Variants in GKAP1 observed in about 807,000 individuals in gnomAD.
GKAP1 encodes G kinase-anchoring protein 1.
In GKAP1, 31 loss-of-function variants were observed where a neutral mutation model predicts 56.7. The ratio of observed to expected loss-of-function variants is 0.55; its 90% CI spans 0.41 to 0.74. The LOEUF is 0.74. GKAP1 is among the 30% of genes least tolerant of loss of function. The pLI, the probability that GKAP1 is intolerant of heterozygous loss-of-function variation, is 0.00. For synonymous variants in GKAP1, 151 were observed against 138.6 expected, an observed-to-expected ratio of 1.09 and a Z score of -0.63; for missense variants, 364 against 402.3, an observed-to-expected ratio of 0.90 and a Z score of 0.82.
intron 3 of GKAP1, 100 bp from the exon 4 acceptor site, chr9:83,799,428 T>C: frequency 2.5e-6 from 2 of 801,768 alleles, no homozygotes; most frequent in Non-Finnish European, 3.9e-6. Flanking sequence ...TTTATACTTC[T>C]ACTGAAACCA....
Position 83,742,555 on chromosome 9 carries a change from C to G in GKAP1, c.950G>C (p.Ser317Thr), listed in dbSNP as rs762765097. 6.2e-7 allele frequency: 1 copy of G among 1,612,532 alleles called. No homozygotes were observed. Among genetic ancestry groups the G allele is most frequent in the East Asian group, 2.2e-5 (1 of 44,802 alleles). The change falls in exon 11 of 13, where the codon AGT becomes ACT. Residue 317 changes from serine (S) to threonine (T), a missense_variant. Physicochemically the swap from Ser to Thr is moderately conservative, Grantham distance 58. Transcript: ENST00000376371. The stretch of plus-strand genomic sequence containing the variant: ...CTGAATAGTGAGCTCATTCTTGATA[C>G]TTTGTGATTCATCAACTTGCAGAAG... ...EILLQVDESQ[S>T]IKNELTIQVT... is the part of the protein sequence containing the mutation.
intron 7 of GKAP1, among the ~76,000 whole-genome samples, chr9:83,779,606 C>CACATAT (rs1331548866): frequency 2.8e-5 from 2 of 71,504 alleles, no homozygotes; most frequent in African/African-American, 9.8e-5. Flanking sequence ...TATATATATA[C>CACATAT]ACATATACAC....
Position 83,804,862 on chromosome 9 carries a change from G to A in GKAP1, c.216+1440C>T, listed in dbSNP as rs1177161088. ...GAGGGAGGTGGGGGGTCAGCCCCCC[G>A]CCCGGCCAGCCGCCCCGTCCGGGAG... On this transcript the variant is annotated intron_variant, in intron 3 of 12. Transcript: ENST00000376371. 6.2e-5 allele frequency among the ~76,000 whole-genome samples: 9 copies of A among 144,690 alleles called. 1 individual carries two copies. The highest frequency in any genetic ancestry group is 1.8e-4 in the African/African-American group (7 of 37,964). The allele number at this position is 144,690 out of a possible 152,430, so 94.9% of individuals were successfully genotyped here.
In GKAP1 at chr9:83,779,568, TAC is replaced by T. The variant is rs1254375476; in HGVS notation, c.585+812_585+813del. 5.1e-4 allele frequency among the ~76,000 whole-genome samples: 53 copies of T among 104,548 alleles called. 4 individuals carry two copies. Among genetic ancestry groups the T allele is most frequent in the Non-Finnish European group, 7.2e-4 (41 of 56,774 alleles). 68.6% of individuals were successfully genotyped at this position (104,548 alleles called of 152,430 possible). A position where few individuals can be genotyped will look rare whatever the true frequency, so the allele number is the denominator to read the frequency against. ...ATACACGTGTATATGTGTATATATA[TAC>T]ACACATATATATACACGTATATGTG... On this transcript the variant is annotated intron_variant, in intron 7 of 12. Coordinates refer to ENST00000376371, the MANE Select transcript of GKAP1 (RefSeq NM_025211.4).
At chr9:83,799,707 C>T (rs1280870039) in intron 3 of GKAP1, among the ~76,000 whole-genome samples, 1 of 152,032 alleles carries the variant, frequency 6.6e-6, no homozygotes, top group East Asian at 1.9e-4. Flanking sequence ...TAATCTTAGC[C>T]CATTGGAAGG....
intron 8 of GKAP1, among the ~76,000 whole-genome samples, chr9:83,753,926 G>A (rs755686266): frequency 6.6e-6 from 1 of 152,126 alleles, no homozygotes; most frequent in Non-Finnish European, 1.5e-5. Context: ...AGGTTACTTT[G>A]TAAGTTCAAT....
intron 8 of GKAP1, among the ~76,000 whole-genome samples, chr9:83,765,000 G>A (rs575000590): frequency 6.6e-6 from 1 of 152,170 alleles, no homozygotes; most frequent in Non-Finnish European, 1.5e-5. Flanking sequence ...CAAGACAATG[G>A]GGAAAATGTC....
chr9:83,805,777 C>T (rs1031440560), intron 3 of GKAP1, among the ~76,000 whole-genome samples: 11 of 152,154 alleles, frequency 7.2e-5, no homozygotes, highest in Admixed American at 3.3e-4. Flanking sequence ...CTATTTTAAA[C>T]TTTATGCAAT....
chr9:83,799,005 T>C (rs1944290306), intron 4 of GKAP1, among the ~76,000 whole-genome samples, 180 bp downstream of exon 4: 1 of 152,204 alleles, frequency 6.6e-6, no homozygotes, highest in African/African-American at 2.4e-5. Context: ...AAACAACAAA[T>C]GTATCACTTT....
chr9:83,750,239 G>A lies in GKAP1; in HGVS notation c.841-1867C>T, dbSNP rs138360877. On this transcript the variant is annotated intron_variant, in intron 9 of 12. Coordinates refer to ENST00000376371, the MANE Select transcript of GKAP1 (RefSeq NM_025211.4). ...AAAAATATAAATGTACAAAATACCA[G>A]TAACATATTAGCTAATAAAGAGCAC... 1.9e-3 allele frequency among the ~76,000 whole-genome samples: 285 copies of A among 152,222 alleles called. 2 individuals carry two copies. Among genetic ancestry groups the A allele is most frequent in the African/African-American group, 6.4e-3 (266 of 41,526 alleles).
At chr9:83,770,672 C>T (rs1213135628) in intron 7 of GKAP1, among the ~76,000 whole-genome samples, 1 of 152,062 alleles carries the variant, frequency 6.6e-6, no homozygotes. Context: ...AGCAATTCTC[C>T]CACCTCAGCC....
intron 5 of GKAP1, among the ~76,000 whole-genome samples, chr9:83,786,988 T>C (rs1045292172): frequency 2.5e-4 from 38 of 152,350 alleles, no homozygotes; most frequent in African/African-American, 8.9e-4. Context: ...ACAGGATTAC[T>C]TTTCCGGTGT....
intron 6 of GKAP1, among the ~76,000 whole-genome samples, chr9:83,783,618 T>A (rs1944014888): frequency 1.3e-5 from 2 of 152,230 alleles, no homozygotes; most frequent in Admixed American, 6.5e-5. Flanking sequence ...TAAACACTTT[T>A]CTGGTAATAA....
chr9:83,782,981 AT>A (rs1944002929), intron 6 of GKAP1, among the ~76,000 whole-genome samples: 1 of 152,068 alleles, frequency 6.6e-6, no homozygotes, highest in Non-Finnish European at 1.5e-5. Context: ...AAACTTGGAA[AT>A]TTTAATATGT....
chr9:83,782,055 G>C (rs1943982417), intron 6 of GKAP1, among the ~76,000 whole-genome samples: 1 of 151,760 alleles, frequency 6.6e-6, no homozygotes, highest in East Asian at 1.9e-4. Flanking sequence ...TGTTAGCCAG[G>C]GTGGTCTTGA....
chr9:83,772,809 C>T (rs1943784811), intron 7 of GKAP1, among the ~76,000 whole-genome samples: 1 of 151,978 alleles, frequency 6.6e-6, no homozygotes, highest in African/African-American at 2.4e-5. Context: ...ATAAGAATGG[C>T]TGATAAGCAT....
chr9:83,774,817 C>T (rs985985487), intron 7 of GKAP1, among the ~76,000 whole-genome samples: 45 of 140,038 alleles, frequency 3.2e-4, no homozygotes, highest in Admixed American at 1.6e-4. Flanking sequence ...TCAGGCGATT[C>T]TCCTGCCTCA....
chr9:83,796,816 T>G (rs1322138522), intron 4 of GKAP1, among the ~76,000 whole-genome samples: 5 of 152,202 alleles, frequency 3.3e-5, no homozygotes, highest in Non-Finnish European at 5.9e-5. Flanking sequence ...TCTCAGTCAC[T>G]TTTTCATTTT....
intron 7 of GKAP1, 49 bp downstream of exon 7, chr9:83,780,333 T>C (rs770508211): frequency 9.2e-7 from 1 of 1,092,018 alleles, no homozygotes; most frequent in South Asian, 1.5e-5. Context: ...TTAAGTATTA[T>C]TCTTAAAATC....
Sources: allele counts gnomAD v4.1 joint callset (sites outside exome capture counted in the v4.1 genomes callset), GRCh38; gene constraint gnomAD v4.1.1; transcripts MANE v1.5; gene names NCBI Gene and HGNC (gene_info 2026-07-23, HGNC 2026-07-21).